SLC38A4: variants seen among roughly 807,000 people sequenced by gnomAD.
SLC38A4 encodes the protein sodium-coupled neutral amino acid transporter 4.
In SLC38A4, 20 loss-of-function variants were observed where a neutral mutation model predicts 63.1. That is an observed-to-expected ratio of 0.32 (90% CI 0.22 to 0.46). The LOEUF is 0.46. SLC38A4 is among the 20% of genes least tolerant of loss of function. The pLI, the probability that SLC38A4 is intolerant of heterozygous loss-of-function variation, is 1.00. For synonymous variants in SLC38A4, 230 were observed against 225.5 expected, an observed-to-expected ratio of 1.02 and a Z score of -0.18; for missense variants, 526 against 663.6, an observed-to-expected ratio of 0.79 and a Z score of 2.28.
chr12:46,830,545 G>A (rs117831815), upstream of SLC38A4, among the ~76,000 whole-genome samples: 119 of 152,248 alleles, frequency 7.8e-4, 1 homozygote, highest in East Asian at 0.021. Context: ...AAGCAAAAAA[G>A]GATGGCTGTA....
chr12:46,770,034 C>A (rs180404), intron 14 of SLC38A4, among the ~76,000 whole-genome samples: 33 of 152,234 alleles, frequency 2.2e-4, no homozygotes, highest in Middle Eastern at 3.4e-3. Flanking sequence ...TTTCCTTGGC[C>A]TATTTTATAA....
chr12:46,788,692 G>T, intron 3 of SLC38A4, 74 bp from the exon 4 acceptor site: 2 of 1,302,198 alleles, frequency 1.5e-6, no homozygotes, highest in Non-Finnish European at 2.2e-6. Flanking sequence ...TATGTTTCAG[G>T]TGATCTAAGT....
At chr12:46,772,989 C>T (rs1017743402) in intron 14 of SLC38A4, among the ~76,000 whole-genome samples, 15 of 151,874 alleles carry the variant, frequency 9.9e-5, no homozygotes, top group African/African-American at 1.9e-4. Context: ...CTAAGTTATA[C>T]GAAATAAACA....
In SLC38A4 at chr12:46,779,852, G is replaced by A. The variant is rs181459175; in HGVS notation, c.586C>T (p.Leu196Phe). 3.1e-6 allele frequency: 5 copies of A among 1,612,086 alleles called. No individual in the cohort carries two copies. The Admixed American group carries it at 6.7e-5, about 22-fold the overall frequency. ...GLEENTGEWY[L>F]NGNYLIIFVS... ...AATATGATGAGGTAGTTGCCATTGA[G>A]GTACCATTCTCTAGAAGTGAGAGAC... The change falls in exon 9 of 17, where the codon CTC becomes TTC. Residue 196 changes from leucine (L) to phenylalanine (F), a missense_variant. Leu to Phe is a conservative substitution (Grantham distance 22). Transcript: ENST00000266579.
chr12:46,813,723 C>T (rs1290801187), intron 1 of SLC38A4, among the ~76,000 whole-genome samples: 1 of 152,036 alleles, frequency 6.6e-6, no homozygotes, highest in African/African-American at 2.4e-5. Flanking sequence ...TTAAATCCGA[C>T]TTCTGTCTTT....
upstream of SLC38A4, among the ~76,000 whole-genome samples, chr12:46,828,349 T>A (rs1939687457): frequency 6.6e-6 from 1 of 152,096 alleles, no homozygotes; most frequent in South Asian, 2.1e-4. Context: ...TGAGATGGAG[T>A]CTCGCTCCGT....
chr12:46,784,810 A>G (rs1171359418), intron 6 of SLC38A4, among the ~76,000 whole-genome samples, 176 bp from the exon 7 acceptor site: 1 of 152,160 alleles, frequency 6.6e-6, no homozygotes, highest in Admixed American at 6.6e-5. Context: ...TGTTCTCCAA[A>G]CAAGAATCAA....
chr12:46,779,890 A>G (rs1938605439), intron 8 of SLC38A4, 28 bp from the exon 9 acceptor site: 1 of 1,610,168 alleles, frequency 6.2e-7, no homozygotes. Flanking sequence ...GGATATTAGA[A>G]TCAGAAAAGA....
chr12:46,801,684 C>G lies in SLC38A4; in HGVS notation c.-113+1919G>C, dbSNP rs111299820. ...CCAAGGAACTTATTTAAATCTACAT[C>G]CACCCTGTACCATAGATAAATGAAT... On this transcript the variant is annotated intron_variant, in intron 2 of 16. Transcript: ENST00000266579. Among the ~76,000 whole-genome samples the G allele has an allele frequency of 8.0e-3, 1,210 of 152,108 alleles. 16 individuals carry two copies. The highest frequency in any genetic ancestry group is 0.028 in the African/African-American group (1,152 of 41,510).
At chr12:46,775,704 T>G (rs1002056308) in intron 13 of SLC38A4, among the ~76,000 whole-genome samples, 1 of 152,002 alleles carries the variant, frequency 6.6e-6, no homozygotes, top group African/African-American at 2.4e-5. Context: ...TTGCTTGTCT[T>G]ATGAAACTCA....
chr12:46,775,262 A>G, intron 13 of SLC38A4, 89 bp from the exon 14 acceptor site: 1 of 1,476,158 alleles, frequency 6.8e-7, no homozygotes, highest in Non-Finnish European at 9.0e-7. Context: ...AGAACACAGA[A>G]CAGAGGAAAA....
At chr12:46,786,790 TTA>T (rs1938770776) in intron 5 of SLC38A4, among the ~76,000 whole-genome samples, 2 of 152,144 alleles carry the variant, frequency 1.3e-5, no homozygotes, top group African/African-American at 4.8e-5. Flanking sequence ...ATACAAATAT[TTA>T]TAGTCCTGAT....
chr12:46,777,697 C>T (rs1938558604), intron 12 of SLC38A4, among the ~76,000 whole-genome samples: 1 of 151,922 alleles, frequency 6.6e-6, no homozygotes, highest in Admixed American at 6.6e-5. Flanking sequence ...ATAATGAGTT[C>T]ATATCCTTTG....
At chr12:46,822,191 A>T (rs910301259) in intron 1 of SLC38A4, among the ~76,000 whole-genome samples, 1 of 152,146 alleles carries the variant, frequency 6.6e-6, no homozygotes, top group Non-Finnish European at 1.5e-5. Context: ...TGTTATTTTG[A>T]CACACACGTA....
intron 5 of SLC38A4, among the ~76,000 whole-genome samples, chr12:46,786,981 G>C (rs1938774707): frequency 6.6e-6 from 1 of 152,192 alleles, no homozygotes; most frequent in Admixed American, 6.5e-5. Flanking sequence ...TTCTTGTGAA[G>C]AATTCCACTG....
rs1049193111 is a variant in SLC38A4, at chr12:46,780,101, T to G, written c.494-71A>C. 2.5e-6 allele frequency: 3 copies of G among 1,179,416 alleles called. No individual in the cohort carries two copies. The African/African-American group carries it at 4.6e-5, about 18-fold the overall frequency. 73.1% of individuals were successfully genotyped at this position (1,179,416 alleles called of 1,614,324 possible). On this transcript the variant is annotated intron_variant, in intron 7 of 16. Coordinates refer to ENST00000266579, the MANE Select transcript of SLC38A4 (RefSeq NM_018018.5). ...GTCACATGCAAGCAAGTTATGACATTTGGGATATGTAAGATGAACATCTAA... is the reference window on the plus strand; with the variant it reads ...GTCACATGCAAGCAAGTTATGACATGTGGGATATGTAAGATGAACATCTAA...
At chr12:46,820,526 G>T (rs1170464683) in intron 1 of SLC38A4, among the ~76,000 whole-genome samples, 2 of 151,812 alleles carry the variant, frequency 1.3e-5, no homozygotes, top group African/African-American at 4.8e-5. Flanking sequence ...ATCAAGGCTG[G>T]GTAATATTTC....
intron 9 of SLC38A4, 36 bp downstream of exon 9, chr12:46,779,738 GAAATAA>G (rs1565665634): frequency 1.3e-6 from 2 of 1,584,902 alleles, no homozygotes; most frequent in East Asian, 2.2e-5. Context: ...ATTTAAATGT[GAAATAA>G]AAATAAAAAT....
chr12:46,786,455 T>C (rs1480689207), intron 5 of SLC38A4, among the ~76,000 whole-genome samples: 2 of 152,080 alleles, frequency 1.3e-5, no homozygotes, highest in Non-Finnish European at 2.9e-5. Context: ...TTTTAAAAAG[T>C]GGAACATTCT....
Sources: gnomAD v4.1 joint callset for allele counts (sites outside exome capture counted in the v4.1 genomes callset) on GRCh38, gnomAD v4.1.1 for gene constraint, MANE v1.5 for transcripts, NCBI Gene and HGNC (gene_info 2026-07-23, HGNC 2026-07-21) for gene names.